Variants in ERC2 observed in about 807,000 individuals in gnomAD.
ERC2 encodes ERC protein 2.
A neutral mutation model predicts 114.8 loss-of-function variants in ERC2; 42 were observed. That is an observed-to-expected ratio of 0.37 (90% CI 0.29 to 0.47). ERC2 has a LOEUF of 0.47. Among genes scored for constraint, ERC2 ranks in the 20% least tolerant of loss-of-function variants. The probability of loss-of-function intolerance (pLI) is 0.99; values close to 1 mark genes in which losing one functional copy is unlikely to be tolerated. For missense variants in ERC2, 939 were observed against 1,150.7 expected (o/e 0.82, Z 2.66); for synonymous variants, 454 against 425.5 (o/e 1.07, Z -0.82).
At chr3:55,900,768 T>C (rs894292761) in intron 13 of ERC2, among the ~76,000 whole-genome samples, 7 of 152,066 alleles carry the variant, frequency 4.6e-5, no homozygotes, top group South Asian at 2.1e-4. Flanking sequence ...ACACAGTAGA[T>C]AGTCAACAGA....
In ERC2 at chr3:56,390,384, A is replaced by T. The variant is rs1209588192; in HGVS notation, c.657+43967T>A. On this transcript the variant is annotated intron_variant, in intron 2 of 17. Transcript: ENST00000288221. Reference sequence around the variant, plus strand: ...AGCTTGCTTTTCAAACTAAACTAACACTAGGTCATTCTCCCCTGCCCCTTA... The same window carrying T: ...AGCTTGCTTTTCAAACTAAACTAACTCTAGGTCATTCTCCCCTGCCCCTTA... 2.0e-5 allele frequency among the ~76,000 whole-genome samples: 3 copies of T among 152,250 alleles called. No homozygotes were observed. The East Asian group carries it at 5.8e-4, about 29-fold the overall frequency.
chr3:55,578,464 G>C (rs1010858717), intron 17 of ERC2, among the ~76,000 whole-genome samples: 5 of 152,132 alleles, frequency 3.3e-5, no homozygotes, highest in African/African-American at 1.2e-4. Flanking sequence ...TCCTCAGAAA[G>C]GCCTTTACTC....
intron 1 of ERC2, among the ~76,000 whole-genome samples, chr3:56,436,415 T>C (rs58573955): frequency 0.027 from 4,061 of 152,282 alleles, 189 homozygotes; most frequent in African/African-American, 0.093. Context: ...CTCAATGAGA[T>C]AAGTACATTA....
At chr3:56,081,802 A>T (rs2171072) in intron 6 of ERC2, among the ~76,000 whole-genome samples, 37,242 of 152,070 alleles carry the variant, frequency 0.24, 5,348 homozygotes, top group Admixed American at 0.32. Flanking sequence ...AGACAACAAA[A>T]AGAATATGAA....
At chr3:56,055,093 C>A (rs1287322946) in intron 7 of ERC2, among the ~76,000 whole-genome samples, 1 of 152,204 alleles carries the variant, frequency 6.6e-6, no homozygotes, top group African/African-American at 2.4e-5. Context: ...ATCAAAGCCC[C>A]ACTAAACTTA....
chr3:56,020,695 C>A (rs759172006), intron 7 of ERC2, among the ~76,000 whole-genome samples: 1 of 152,132 alleles, frequency 6.6e-6, no homozygotes, highest in Non-Finnish European at 1.5e-5. Context: ...CACACATGTA[C>A]GCAAATCCAC....
At position 55,978,004 on chromosome 3, in the gene ERC2, G is replaced by T. The variant is rs79902347; in HGVS notation, c.2267+7973C>A. On this transcript the variant is annotated intron_variant, in intron 12 of 17. Transcript: ENST00000288221. The stretch of plus-strand genomic sequence containing the variant: ...ACAGATATCATATTATAAATACTAC[G>T]GATCTGCTTCTGTCTCTCACGATGC... Among the ~76,000 whole-genome samples, 1,357 of 152,222 alleles carry T rather than the reference G, an allele frequency of 8.9e-3. 14 individuals are homozygous for T. Among genetic ancestry groups the T allele is most frequent in the African/African-American group, 0.031 (1,305 of 41,530 alleles).
chr3:55,989,775 T>C (rs529899699), intron 11 of ERC2, among the ~76,000 whole-genome samples: 1 of 152,278 alleles, frequency 6.6e-6, no homozygotes, highest in South Asian at 2.1e-4. Flanking sequence ...GTACACAGTA[T>C]TGCACGTCAA....
intron 2 of ERC2, among the ~76,000 whole-genome samples, chr3:56,369,646 G>C (rs1228230156): frequency 1.3e-5 from 2 of 151,596 alleles, no homozygotes; most frequent in Non-Finnish European, 2.9e-5. Context: ...AAATCTTTTT[G>C]TCCTGTATCT....
chr3:56,126,901 AAGGGC>A (rs1440029049), intron 6 of ERC2, among the ~76,000 whole-genome samples: 1 of 150,086 alleles, frequency 6.7e-6, no homozygotes, highest in Non-Finnish European at 1.5e-5. Context: ...AAGGGCAGGG[AAGGGC>A]AGGGCAGGGA....
chr3:55,995,550 T>G (rs1402660556), intron 10 of ERC2, among the ~76,000 whole-genome samples: 1 of 152,172 alleles, frequency 6.6e-6, no homozygotes, highest in Non-Finnish European at 1.5e-5. Context: ...AAAAGTCATA[T>G]AAAGATGACA....
At chr3:55,693,598 A>G (rs191213825) in intron 16 of ERC2, among the ~76,000 whole-genome samples, 201 of 152,318 alleles carry the variant, frequency 1.3e-3, no homozygotes, top group African/African-American at 4.6e-3. Context: ...AAAAGGGAAC[A>G]GGTAAAATGG....
chr3:56,298,968 G>A (rs995387785), intron 2 of ERC2, among the ~76,000 whole-genome samples: 1 of 152,102 alleles, frequency 6.6e-6, no homozygotes, highest in African/African-American at 2.4e-5. Context: ...GAGTCCACAG[G>A]AGTATCCGCA....
chr3:56,073,947 T>G (rs1424067881), intron 7 of ERC2, among the ~76,000 whole-genome samples: 2 of 152,214 alleles, frequency 1.3e-5, no homozygotes, highest in African/African-American at 4.8e-5. Flanking sequence ...TACATATAAC[T>G]TATCATATTT....
At chr3:56,157,156 G>A (rs1474345879) in intron 4 of ERC2, among the ~76,000 whole-genome samples, 1 of 152,160 alleles carries the variant, frequency 6.6e-6, no homozygotes, top group African/African-American at 2.4e-5. Flanking sequence ...GCCTTGAATA[G>A]AAGACAGGAG....
chr3:55,869,276 A>T (rs1413682134), intron 14 of ERC2, among the ~76,000 whole-genome samples: 1 of 152,154 alleles, frequency 6.6e-6, no homozygotes, highest in South Asian at 2.1e-4. Context: ...ATTTGTCTTA[A>T]GGCAAAGATA....
At chr3:55,706,472 C>A in intron 15 of ERC2, among the ~76,000 whole-genome samples, 1 of 152,194 alleles carries the variant, frequency 6.6e-6, no homozygotes, top group East Asian at 1.9e-4. Flanking sequence ...TCTCGGCTCA[C>A]TGTAACCTCT....
intron 17 of ERC2, among the ~76,000 whole-genome samples, chr3:55,534,833 G>C (rs1005652774): frequency 4.6e-5 from 7 of 152,198 alleles, no homozygotes; most frequent in Middle Eastern, 3.2e-3. Context: ...GTGATGACAG[G>C]AGGTTCCCCA....
chr3:55,582,697 A>G (rs2057322251), intron 17 of ERC2, among the ~76,000 whole-genome samples: 1 of 152,306 alleles, frequency 6.6e-6, no homozygotes, highest in South Asian at 2.1e-4. Context: ...TCCCTTGCCT[A>G]AAGGAGTAAA....
Sources: gnomAD v4.1 joint callset for allele counts (sites outside exome capture counted in the v4.1 genomes callset) on GRCh38, gnomAD v4.1.1 for gene constraint, MANE v1.5 for transcripts, NCBI Gene and HGNC (gene_info 2026-07-23, HGNC 2026-07-21) for gene names.